Variants in TANK observed in about 807,000 individuals in gnomAD.
TANK encodes TRAF family member associated NFKB activator.
Under a neutral mutation model 43.6 loss-of-function variants are expected in TANK, and 15 were observed. The observed-to-expected ratio is 0.34, with a 90% CI of 0.23 to 0.53. The LOEUF (loss-of-function observed/expected upper bound fraction) is 0.53, where lower values mean the gene tolerates loss of function less well. Ranked by LOEUF, TANK falls within the 20% of genes least tolerant of loss-of-function variation. TANK has a pLI of 0.94. For missense variants in TANK, 417 were observed against 498.6 expected, an observed-to-expected ratio of 0.84 and a Z score of 1.56; for synonymous variants, 162 against 178.2, an observed-to-expected ratio of 0.91 and a Z score of 0.73.
chr2:161,229,460 A>G (rs1231492466), intron 6 of TANK, among the ~76,000 whole-genome samples: 1 of 152,194 alleles, frequency 6.6e-6, no homozygotes, highest in Non-Finnish European at 1.5e-5. Flanking sequence ...AACAGATTGG[A>G]TATGAGACAA....
upstream of TANK, among the ~76,000 whole-genome samples, chr2:161,155,530 T>C (rs914128005): frequency 6.6e-6 from 1 of 152,244 alleles, no homozygotes; most frequent in Non-Finnish European, 1.5e-5. Flanking sequence ...AGAATGTCTT[T>C]GTTTTCCTTT....
At chr2:161,150,134 T>C (rs1223093854) in intron 1 of TANK, among the ~76,000 whole-genome samples, 1 of 152,142 alleles carries the variant, frequency 6.6e-6, no homozygotes, top group Non-Finnish European at 1.5e-5. Context: ...AGATTTTTGG[T>C]TATTGATTCA....
intron 4 of TANK, among the ~76,000 whole-genome samples, chr2:161,210,289 A>G (rs555133475): frequency 3.9e-5 from 6 of 152,330 alleles, no homozygotes; most frequent in Admixed American, 6.5e-5. Flanking sequence ...CTAAAAAGTC[A>G]TTTGTCAATC....
rs577138826 is a variant in TANK, at chr2:161,199,894, TAATAA to T, written c.100-3585_100-3581del. 9.4e-4 allele frequency among the ~76,000 whole-genome samples: 143 copies of T among 152,220 alleles called. No individual in the cohort carries two copies. The South Asian group carries it at 0.011, about 11-fold the overall frequency. ...CCCTGTCTCTATACAAATAACATAA[TAATAA>T]AATAAAAAACAAAGTACCTTATAGC... is the stretch of plus-strand genomic sequence containing the variant. On this transcript the variant is annotated intron_variant, in intron 2 of 7. Transcript: ENST00000392749.
intron 1 of TANK, among the ~76,000 whole-genome samples, chr2:161,164,935 C>T (rs1362171875): frequency 6.6e-6 from 1 of 151,704 alleles, no homozygotes; most frequent in African/African-American, 2.4e-5. Context: ...AACTTTTTAC[C>T]TTCAGAGATA....
chr2:161,172,354 G>GTTTTT (rs1684983702), intron 1 of TANK, among the ~76,000 whole-genome samples: 1 of 134,902 alleles, frequency 7.4e-6, no homozygotes. Flanking sequence ...GTTTTTTTCG[G>GTTTTT]CTTTTTTTTT....
chr2:161,202,753 G>A, intron 2 of TANK: 1 of 378,144 alleles, frequency 2.6e-6, no homozygotes. Context: ...TTTTAAGACT[G>A]TACTAATTTG....
At chr2:161,163,126 A>G (rs527528903) in intron 1 of TANK, 40 of 152,268 alleles carry the variant, frequency 2.6e-4, no homozygotes, top group African/African-American at 9.6e-4. Flanking sequence ...TTTGGTATCA[A>G]GGTTATGCTG....
intron 4 of TANK, among the ~76,000 whole-genome samples, chr2:161,210,233 T>C (rs1400507077): frequency 6.6e-6 from 1 of 152,186 alleles, no homozygotes; most frequent in African/African-American, 2.4e-5. Context: ...ACCTGACAAC[T>C]TCAAGTAAAT....
chr2:161,230,364 A>G (rs1437737580), intron 6 of TANK, among the ~76,000 whole-genome samples: 1 of 152,216 alleles, frequency 6.6e-6, no homozygotes, highest in Non-Finnish European at 1.5e-5. Flanking sequence ...TTAAAAAAAG[A>G]TATAAGATGA....
intron 4 of TANK, among the ~76,000 whole-genome samples, chr2:161,218,848 G>T (rs1341612911): frequency 1.3e-5 from 2 of 152,002 alleles, no homozygotes; most frequent in East Asian, 1.9e-4. Context: ...TTGCTGTGTT[G>T]CCCAGGCTGG....
At chr2:161,203,068 G>T in intron 2 of TANK, 1 of 225,448 alleles carries the variant, frequency 4.4e-6, no homozygotes, top group South Asian at 4.9e-5. Flanking sequence ...AAATTTAGAA[G>T]TGTGTTTATT....
At chr2:161,167,912 C>T (rs535335764) in intron 1 of TANK, among the ~76,000 whole-genome samples, 5 of 152,188 alleles carry the variant, frequency 3.3e-5, no homozygotes, top group African/African-American at 1.2e-4. Flanking sequence ...GTGTGAGCCA[C>T]CGTGCCTGGC....
At chr2:161,140,046 GTC>G (rs1221944969) in intron 1 of TANK, 1 of 556,044 alleles carries the variant, frequency 1.8e-6, no homozygotes, top group Non-Finnish European at 2.3e-6. Context: ...ATATTCATAA[GTC>G]TGTAAAAATT....
chr2:161,230,788 G>T (rs1329895525), intron 6 of TANK, among the ~76,000 whole-genome samples, 183 bp from the exon 7 acceptor site: 2 of 152,182 alleles, frequency 1.3e-5, no homozygotes, highest in East Asian at 3.8e-4. Flanking sequence ...CTATGTTTCA[G>T]TTCACCCGCT....
At chr2:161,212,485 C>T (rs1686936930) in intron 4 of TANK, 1 of 985,120 alleles carries the variant, frequency 1.0e-6, no homozygotes, top group South Asian at 4.7e-5. Context: ...CCCTTTCCTG[C>T]TCTGGGTTTG....
At chr2:161,208,321 A>G (rs1225373141) in intron 4 of TANK, among the ~76,000 whole-genome samples, 1 of 152,164 alleles carries the variant, frequency 6.6e-6, no homozygotes, top group African/African-American at 2.4e-5. Flanking sequence ...TTCCTACACA[A>G]AAAGAATGCA....
intron 4 of TANK, among the ~76,000 whole-genome samples, chr2:161,205,519 A>G (rs1303959008): frequency 1.3e-5 from 2 of 152,170 alleles, no homozygotes; most frequent in Admixed American, 6.5e-5. Flanking sequence ...AATACACCCA[A>G]CTAGCTTAAG....
chr2:161,235,584 C>A lies in TANK; in HGVS notation c.*66C>A. ...TTTTGGGTTTTTAATACTATAAATACTTGATTGTAAACTAAATTCAAGATC... is the reference window on the plus strand; with the variant it reads ...TTTTGGGTTTTTAATACTATAAATAATTGATTGTAAACTAAATTCAAGATC... On this transcript the variant is annotated 3_prime_UTR_variant, in exon 8 of 8. Coordinates refer to ENST00000392749, the MANE Select transcript of TANK (RefSeq NM_001199135.3). 1 of 1,250,412 alleles carries A rather than the reference C, an allele frequency of 8.0e-7. No individual in the cohort carries two copies. The highest frequency in any genetic ancestry group is 1.1e-6 in the Non-Finnish European group (1 of 929,190). The allele number at this position is 1,250,412 out of a possible 1,614,324, so 77.5% of individuals were successfully genotyped here. A position where few individuals can be genotyped will look rare whatever the true frequency, so the allele number is the denominator to read the frequency against.
Sources: gnomAD v4.1 joint callset for allele counts (sites outside exome capture counted in the v4.1 genomes callset) on GRCh38, gnomAD v4.1.1 for gene constraint, MANE v1.5 for transcripts, NCBI Gene and HGNC (gene_info 2026-07-23, HGNC 2026-07-21) for gene names.